KCNIP1: variants seen among roughly 807,000 people sequenced by gnomAD.
KCNIP1 encodes the protein potassium voltage-gated channel interacting protein 1.
A neutral mutation model predicts 33.0 loss-of-function variants in KCNIP1; 18 were observed. The observed-to-expected ratio is 0.55, with a 90% CI of 0.38 to 0.81. KCNIP1 has a LOEUF of 0.81. Among genes scored for constraint, KCNIP1 ranks in the 30% least tolerant of loss-of-function variants. The pLI, the probability that KCNIP1 is intolerant of heterozygous loss-of-function variation, is 0.00. For missense variants in KCNIP1, 238 were observed against 271.6 expected (o/e 0.88, Z 0.87); for synonymous variants, 93 against 98.3 (o/e 0.95, Z 0.32).
In KCNIP1 at chr5:170,464,826, C is replaced by T. The variant is rs1043608808; in HGVS notation, c.88+110862C>T. On this transcript the variant is annotated intron_variant, in intron 1 of 7. Coordinates refer to the KCNIP1 transcript ENST00000377360. The stretch of plus-strand genomic sequence containing the variant: ...TAACCCCCAAAGCCTGGCTTAGGGA[C>T]CTCATCCAGCGACCAGACAGGGCGT... 7.2e-5 allele frequency among the ~76,000 whole-genome samples: 11 copies of T among 152,278 alleles called. No individual in the cohort carries two copies. In the South Asian group the frequency reaches 2.3e-3, roughly 32 times the overall value.
chr5:170,454,650 GC>G (rs1348520097), intron 1 of KCNIP1, among the ~76,000 whole-genome samples: 4 of 152,174 alleles, frequency 2.6e-5, no homozygotes, highest in Non-Finnish European at 5.9e-5. Flanking sequence ...ATGAAATGTT[GC>G]CTGTAGATTT....
At chr5:170,589,767 G>GATGTGGT (rs1278078277) in intron 1 of KCNIP1, among the ~76,000 whole-genome samples, 109 of 123,822 alleles carry the variant, frequency 8.8e-4, no homozygotes, top group Non-Finnish European at 1.4e-3. Flanking sequence ...GGTGTGGTGT[G>GATGTGGT]GTGTGGTGTG....
At chr5:170,448,503 C>T (rs959354962) in intron 1 of KCNIP1, among the ~76,000 whole-genome samples, 7 of 152,238 alleles carry the variant, frequency 4.6e-5, no homozygotes, top group Non-Finnish European at 7.3e-5. Context: ...GAAGTGTGGG[C>T]TGCAAGCCCC....
intron 1 of KCNIP1, among the ~76,000 whole-genome samples, chr5:170,662,408 C>A (rs961448658): frequency 1.3e-5 from 2 of 152,184 alleles, no homozygotes; most frequent in Non-Finnish European, 2.9e-5. Context: ...CCTGAGTCCA[C>A]CAAAGCATCC....
At chr5:170,642,817 C>T (rs2113702500) in intron 1 of KCNIP1, among the ~76,000 whole-genome samples, 1 of 152,342 alleles carries the variant, frequency 6.6e-6, no homozygotes, top group South Asian at 2.1e-4. Context: ...AACTTGCTCA[C>T]ATCGTCCCAT....
intron 1 of KCNIP1, among the ~76,000 whole-genome samples, chr5:170,657,224 G>C (rs1196178697): frequency 6.6e-6 from 1 of 152,018 alleles, no homozygotes; most frequent in Admixed American, 6.5e-5. Context: ...TTGAACTCCT[G>C]ACCTCAGGTG....
intron 1 of KCNIP1, among the ~76,000 whole-genome samples, chr5:170,437,974 G>A (rs761654179): frequency 1.3e-5 from 2 of 152,142 alleles, no homozygotes; most frequent in African/African-American, 2.4e-5. Context: ...ACCATTCCTA[G>A]CCTTGGTCCC....
At chr5:170,481,764 A>G (rs17740227) in intron 1 of KCNIP1, among the ~76,000 whole-genome samples, 27,090 of 152,124 alleles carry the variant, frequency 0.18, 3,096 homozygotes, top group East Asian at 0.37. Context: ...GGGATTTATT[A>G]CCTTGACAGA....
intron 1 of KCNIP1, among the ~76,000 whole-genome samples, chr5:170,709,959 T>C (rs1349754468): frequency 2.6e-5 from 4 of 152,088 alleles, no homozygotes; most frequent in African/African-American, 9.7e-5. Flanking sequence ...CCTCCACCCC[T>C]TGGGCTCAAG....
chr5:170,414,681 C>G (rs1309565299), intron 1 of KCNIP1, among the ~76,000 whole-genome samples: 2 of 152,222 alleles, frequency 1.3e-5, no homozygotes, highest in Non-Finnish European at 2.9e-5. Flanking sequence ...TCTATTAATG[C>G]TAGATGTTGA....
At chr5:170,502,967 G>C (rs533101392), upstream of KCNIP1, among the ~76,000 whole-genome samples, 4 of 152,290 alleles carry the variant, frequency 2.6e-5, no homozygotes. Context: ...CTCACAGAAG[G>C]GAAATGGCTT....
intron 1 of KCNIP1, among the ~76,000 whole-genome samples, chr5:170,561,329 C>T (rs1757027711): frequency 6.6e-6 from 1 of 152,200 alleles, no homozygotes; most frequent in Non-Finnish European, 1.5e-5. Context: ...ACAGTGGCCA[C>T]ACAGCAACCG....
chr5:170,490,422 G>A (rs1363814287), intron 1 of KCNIP1, among the ~76,000 whole-genome samples: 3 of 152,180 alleles, frequency 2.0e-5, no homozygotes, highest in Admixed American at 6.5e-5. Flanking sequence ...CTTGACTGTG[G>A]TGTTTACACA....
chr5:170,509,816 G>A (rs1278737846), intron 1 of KCNIP1, among the ~76,000 whole-genome samples: 1 of 152,192 alleles, frequency 6.6e-6, no homozygotes, highest in Non-Finnish European at 1.5e-5. Context: ...TTTGGATACT[G>A]GTAGGTGTAT....
chr5:170,723,043 G>A (rs1277202553), intron 5 of KCNIP1, among the ~76,000 whole-genome samples: 1 of 152,116 alleles, frequency 6.6e-6, no homozygotes, highest in Non-Finnish European at 1.5e-5. Flanking sequence ...TTCTCACTGG[G>A]TCACCTAGAT....
At chr5:170,431,434 T>C (rs1438245317) in intron 1 of KCNIP1, among the ~76,000 whole-genome samples, 2 of 152,222 alleles carry the variant, frequency 1.3e-5, no homozygotes, top group East Asian at 1.9e-4. Context: ...TGTGAGAATC[T>C]GGGGGATTTT....
intron 1 of KCNIP1, among the ~76,000 whole-genome samples, chr5:170,538,699 C>T (rs1756086775): frequency 6.6e-6 from 1 of 151,786 alleles, no homozygotes; most frequent in Admixed American, 6.6e-5. Flanking sequence ...ATGGACTGTC[C>T]ATCTTGAAGA....
chr5:170,625,974 G>A (rs1404660026), intron 1 of KCNIP1, among the ~76,000 whole-genome samples: 2 of 152,156 alleles, frequency 1.3e-5, no homozygotes, highest in Admixed American at 6.5e-5. Context: ...AACCTCACTG[G>A]GCTTAGCAAA....
intron 1 of KCNIP1, 91 bp from the exon 2 acceptor site, chr5:170,718,667 C>T (rs1763711712): frequency 5.4e-5 from 80 of 1,493,222 alleles, no homozygotes; most frequent in Non-Finnish European, 7.2e-5. Context: ...GATCCCAGGT[C>T]GTGACACCAC....
Sources: gnomAD v4.1 joint callset for allele counts (sites outside exome capture counted in the v4.1 genomes callset) on GRCh38, gnomAD v4.1.1 for gene constraint, MANE v1.5 for transcripts, NCBI Gene and HGNC (gene_info 2026-07-23, HGNC 2026-07-21) for gene names.